The following SLC25A12 variants were observed in gnomAD, a reference collection of about 807,000 sequenced individuals.
The protein encoded by SLC25A12 is solute carrier family 25 member 12, also known as electrogenic aspartate/glutamate antiporter SLC25A12, mitochondrial.
Under a neutral mutation model 83.3 loss-of-function variants are expected in SLC25A12, and 32 were observed. The observed-to-expected ratio is 0.38, with a 90% CI of 0.29 to 0.52. The LOEUF (loss-of-function observed/expected upper bound fraction) is 0.52. Ranked by LOEUF, SLC25A12 falls within the 20% of genes least tolerant of loss-of-function variation. The pLI, the probability that SLC25A12 is intolerant of heterozygous loss-of-function variation, is 0.84. For missense variants in SLC25A12, 611 were observed against 835.6 expected (o/e 0.73, Z 3.31); for synonymous variants, 267 against 291.1 (o/e 0.92, Z 0.84).
intron 8 of SLC25A12, among the ~76,000 whole-genome samples, chr2:171,827,496 A>G (rs3821095): frequency 0.56 from 85,031 of 151,692 alleles, 24,231 homozygotes; most frequent in Middle Eastern, 0.63. Context: ...TCAGCCTCCA[A>G]TTGATCACGG....
At chr2:171,837,342 G>A in intron 5 of SLC25A12, 75 bp from the exon 6 acceptor site, 1 of 1,480,030 alleles carries the variant, frequency 6.8e-7, no homozygotes, top group South Asian at 1.1e-5. Context: ...AGGAAGGAAG[G>A]ACAGATATCC....
intron 3 of SLC25A12, chr2:171,856,618 T>C (rs1480895720): frequency 2.6e-5 from 4 of 152,498 alleles, no homozygotes; most frequent in African/African-American, 9.6e-5. Flanking sequence ...TAAGGGGCCA[T>C]GCTAATCTCT....
rs886327338 is a variant in SLC25A12, at chr2:171,884,535, C to T, written c.66+8670G>A. The stretch of plus-strand genomic sequence containing the variant: ...CTGTAATCCCAGCACTTTGGGAGGC[C>T]GAGGCAGGTACATCACCTGAGGTCA... On this transcript the variant is annotated intron_variant, in intron 2 of 17. Coordinates refer to ENST00000422440, the MANE Select transcript of SLC25A12 (RefSeq NM_003705.5). 3.3e-5 allele frequency among the ~76,000 whole-genome samples: 5 copies of T among 150,960 alleles called. No individual in the cohort carries two copies. In the South Asian group the frequency reaches 6.4e-4, roughly 19 times the overall value.
intron 9 of SLC25A12, among the ~76,000 whole-genome samples, chr2:171,820,608 G>GT (rs1684166959): frequency 7.5e-6 from 1 of 133,816 alleles, no homozygotes; most frequent in Non-Finnish European, 1.7e-5. Flanking sequence ...GGCGCCTGTA[G>GT]TCCCAGCTGC....
chr2:171,877,828 T>C (rs757106695), intron 2 of SLC25A12, among the ~76,000 whole-genome samples: 2 of 152,182 alleles, frequency 1.3e-5, no homozygotes, highest in African/African-American at 2.4e-5. Context: ...CTCTAAATGA[T>C]ACAAATTACT....
intron 9 of SLC25A12, among the ~76,000 whole-genome samples, chr2:171,820,727 CA>C (rs375978724): frequency 0.74 from 80,817 of 109,340 alleles, 28,754 homozygotes; most frequent in East Asian, 0.85. Context: ...GACTCCGTCT[CA>C]AAAAAAAAAA....
At position 171,884,780 on chromosome 2, in the gene SLC25A12, CA is replaced by C. The variant is rs530150903; in HGVS notation, c.66+8424del. On this transcript the variant is annotated intron_variant, in intron 2 of 17. Coordinates refer to ENST00000422440, the MANE Select transcript of SLC25A12 (RefSeq NM_003705.5). ...ACAAGAGCAAAACTCTGTCCCCCAC[CA>C]AAAAAAAAAAAGAATGTGAGGTTCT... Among the ~76,000 whole-genome samples, 456 of 138,720 alleles carry C rather than the reference CA, an allele frequency of 3.3e-3. 1 individual carries two copies. Among genetic ancestry groups the C allele is most frequent in the East Asian group, 0.016 (77 of 4,788 alleles). 91.0% of individuals were successfully genotyped at this position (138,720 alleles called of 152,430 possible).
chr2:171,840,047 GAA>G (rs1240313054), intron 5 of SLC25A12, among the ~76,000 whole-genome samples: 1 of 152,104 alleles, frequency 6.6e-6, no homozygotes, highest in Non-Finnish European at 1.5e-5. Context: ...GTAGTAAACT[GAA>G]AGTCCTTCTG....
intron 2 of SLC25A12, among the ~76,000 whole-genome samples, chr2:171,891,318 C>CA (rs533951403): frequency 5.1e-4 from 77 of 151,842 alleles, no homozygotes; most frequent in African/African-American, 1.7e-3. Flanking sequence ...AAAAAGTTGT[C>CA]AAAGAGCTAG....
chr2:171,807,109 T>A (rs529357149), intron 13 of SLC25A12, among the ~76,000 whole-genome samples: 1 of 152,362 alleles, frequency 6.6e-6, no homozygotes, highest in African/African-American at 2.4e-5. Context: ...TAACTGAATT[T>A]GTCAGTAGAA....
At chr2:171,790,495 C>T (rs1683429889) in intron 15 of SLC25A12, among the ~76,000 whole-genome samples, 1 of 152,128 alleles carries the variant, frequency 6.6e-6, no homozygotes, top group African/African-American at 2.4e-5. Context: ...TCTTACAAGG[C>T]TCCTCTTTCA....
chr2:171,806,996 T>C (rs563955223), intron 13 of SLC25A12, among the ~76,000 whole-genome samples: 5 of 152,346 alleles, frequency 3.3e-5, no homozygotes, highest in Admixed American at 2.6e-4. Context: ...TGATATTCTA[T>C]AAAGAGAGAC....
Position 171,788,019 on chromosome 2 carries a change from T to C in SLC25A12, c.1586-72A>G, listed in dbSNP as rs1054860130. ...AGATAGGAATACTGCTAACATCTAC[T>C]ATAGAGCCTGCAACTTCAACCACTT... is the stretch of plus-strand genomic sequence containing the variant. On this transcript the variant is annotated intron_variant, in intron 15 of 17. Coordinates refer to ENST00000422440, the MANE Select transcript of SLC25A12 (RefSeq NM_003705.5). 1.1e-5 allele frequency: 16 copies of C among 1,495,214 alleles called. No individual in the cohort carries two copies. The African/African-American group carries it at 2.1e-4, about 19-fold the overall frequency. 92.6% of individuals were successfully genotyped at this position (1,495,214 alleles called of 1,614,324 possible). A position where few individuals can be genotyped will look rare whatever the true frequency, so the allele number is the denominator to read the frequency against.
chr2:171,790,284 G>C (rs1392954761), intron 15 of SLC25A12, among the ~76,000 whole-genome samples: 2 of 152,222 alleles, frequency 1.3e-5, no homozygotes, highest in Non-Finnish European at 2.9e-5. Flanking sequence ...TGGCTGGTCA[G>C]AGCCACACTG....
intron 9 of SLC25A12, among the ~76,000 whole-genome samples, chr2:171,819,280 AAT>A (rs1293122692): frequency 7.7e-6 from 1 of 129,180 alleles, no homozygotes; most frequent in Non-Finnish European, 1.6e-5. Flanking sequence ...ATATTTACAT[AAT>A]ATATAATACA....
At chr2:171,892,140 G>A (rs558865489) in intron 2 of SLC25A12, among the ~76,000 whole-genome samples, 2 of 152,156 alleles carry the variant, frequency 1.3e-5, no homozygotes, top group Non-Finnish European at 2.9e-5. Flanking sequence ...GTCTTCATAA[G>A]AACCCAGGTC....
At chr2:171,839,126 T>C (rs191032708) in intron 5 of SLC25A12, among the ~76,000 whole-genome samples, 18 of 152,322 alleles carry the variant, frequency 1.2e-4, no homozygotes, top group Non-Finnish European at 7.4e-5. Context: ...AAAGTAATCT[T>C]TGGAAGAATC....
intron 9 of SLC25A12, among the ~76,000 whole-genome samples, chr2:171,816,560 G>A (rs892849726): frequency 3.3e-5 from 5 of 151,694 alleles, no homozygotes; most frequent in African/African-American, 9.7e-5. Flanking sequence ...TTTAAATTTT[G>A]TATTTTTTTA....
At chr2:171,828,038 C>T (rs1354950068) in intron 8 of SLC25A12, among the ~76,000 whole-genome samples, 1 of 152,206 alleles carries the variant, frequency 6.6e-6, no homozygotes, top group Non-Finnish European at 1.5e-5. Context: ...TGGCCAGGTC[C>T]ACTCTCCCGG....
Sources: gnomAD v4.1 joint callset for allele counts (sites outside exome capture counted in the v4.1 genomes callset) on GRCh38, gnomAD v4.1.1 for gene constraint, MANE v1.5 for transcripts, NCBI Gene and HGNC (gene_info 2026-07-23, HGNC 2026-07-21) for gene names.